Variants in DSG4 observed in about 807,000 individuals in gnomAD.
DSG4 encodes the protein desmoglein-4.
A neutral mutation model predicts 93.1 loss-of-function variants in DSG4; 87 were observed. That is an observed-to-expected ratio of 0.93 (90% CI 0.79 to 1.12). The LOEUF (loss-of-function observed/expected upper bound fraction) is 1.12. Among genes scored for constraint, DSG4 ranks in the 50% most tolerant of loss-of-function variants. The pLI, the probability that DSG4 is intolerant of heterozygous loss-of-function variation, is 0.00. For synonymous variants in DSG4, 432 were observed against 452.9 expected (o/e 0.95, Z 0.59); for missense variants, 1,373 against 1,285.7 (o/e 1.07, Z -1.04).
intron 8 of DSG4, among the ~76,000 whole-genome samples, chr18:31,397,119 T>G (rs150363228): frequency 3.1e-4 from 47 of 152,362 alleles, no homozygotes; most frequent in Non-Finnish European, 6.3e-4. Context: ...GAATTAGCAG[T>G]GTCATATTAA....
chr18:31,404,987 C>T (rs1291852320), intron 11 of DSG4, among the ~76,000 whole-genome samples: 5 of 152,188 alleles, frequency 3.3e-5, no homozygotes, highest in African/African-American at 1.2e-4. Context: ...TGTTTCAATG[C>T]TTGCTGGTGT....
chr18:31,405,569 TA>T lies in DSG4; in HGVS notation c.1637-497del, dbSNP rs1285723672. Among the ~76,000 whole-genome samples, 121 of 143,358 alleles carry T rather than the reference TA, an allele frequency of 8.4e-4. 1 individual carries two copies. The highest frequency in any genetic ancestry group is 1.1e-3 in the Admixed American group (16 of 14,292). The allele number at this position is 143,358 out of a possible 152,430, so 94.0% of individuals were successfully genotyped here. ...TTATTTAAAAATTAGTTATAAATGTTAAAAAAAAAAAGAAAGAAAGAAAAGT... is the reference window on the plus strand; with the variant it reads ...TTATTTAAAAATTAGTTATAAATGTTAAAAAAAAAAGAAAGAAAGAAAAGT... On this transcript the variant is annotated intron_variant, in intron 11 of 15. Transcript: ENST00000308128.
chr18:31,406,796 G>A (rs1309101659), intron 12 of DSG4, among the ~76,000 whole-genome samples: 2 of 149,184 alleles, frequency 1.3e-5, no homozygotes, highest in Non-Finnish European at 3.0e-5. Flanking sequence ...TCTTTTTTTT[G>A]AGATGGAATC....
chr18:31,399,163 G>GT, intron 8 of DSG4, 109 bp from the exon 9 acceptor site: 1 of 1,397,868 alleles, frequency 7.2e-7, no homozygotes, highest in Non-Finnish European at 9.9e-7. Context: ...TCTAAACAGC[G>GT]TATCTCCTGG....
chr18:31,403,338 G>A lies in DSG4; in HGVS notation c.1418-78G>A. The A allele has an allele frequency of 4.2e-6, 5 of 1,198,260 alleles. No homozygotes were observed. In the South Asian group the frequency reaches 5.2e-5, roughly 12 times the overall value. 74.2% of individuals were successfully genotyped at this position (1,198,260 alleles called of 1,614,324 possible). ...CGTATATGTTTCCTACAAGTTCCAT[G>A]GCATCATCAGGGGATATGAGAAAGA... On this transcript the variant is annotated intron_variant, in intron 10 of 15. Coordinates refer to ENST00000308128, the MANE Select transcript of DSG4 (RefSeq NM_177986.5).
At chr18:31,386,651 C>T in intron 2 of DSG4, 37 bp from the exon 3 acceptor site, 4 of 1,611,464 alleles carry the variant, frequency 2.5e-6, no homozygotes, top group Non-Finnish European at 3.4e-6. Context: ...TAAAATTGTT[C>T]TCACACTGTA....
chr18:31,404,494 T>C (rs2072403428), intron 11 of DSG4, among the ~76,000 whole-genome samples: 1 of 152,174 alleles, frequency 6.6e-6, no homozygotes, highest in Admixed American at 6.5e-5. Flanking sequence ...CAATCTCATA[T>C]TCATTTGGGG....
Position 31,400,896 on chromosome 18 carries a change from T to C in DSG4, c.1293T>C (p.His431=). The C allele has an allele frequency of 6.2e-7, 1 of 1,612,484 alleles. No homozygotes were observed. Among genetic ancestry groups the C allele is most frequent in the Non-Finnish European group, 8.5e-7 (1 of 1,178,996 alleles). Residue 431 remains histidine (H), a synonymous_variant, in exon 10 of 16, where the codon CAT becomes CAC. Transcript: ENST00000308128. ...TTAAAAACAGATATATCATAGGGCA[T>C]GATGCAGGCAGCTGGTTAAAAATTG... is the stretch of plus-strand genomic sequence containing the variant. ...PATDVRYIIG[H]DAGSWLKIDS...
chr18:31,409,406 A>C, intron 12 of DSG4, 46 bp from the exon 13 acceptor site: 2 of 1,613,350 alleles, frequency 1.2e-6, no homozygotes, highest in Non-Finnish European at 1.7e-6. Context: ...TGACTTCCTA[A>C]ACCGAGCAAT....
At chr18:31,404,295 C>T (rs538022800) in intron 11 of DSG4, among the ~76,000 whole-genome samples, 3 of 152,198 alleles carry the variant, frequency 2.0e-5, no homozygotes, top group Admixed American at 6.5e-5. Context: ...AAACAGATCA[C>T]GAAGTTGTAT....
intron 8 of DSG4, among the ~76,000 whole-genome samples, chr18:31,395,547 A>G (rs1471806389): frequency 2.0e-5 from 3 of 151,266 alleles, no homozygotes; most frequent in Non-Finnish European, 4.4e-5. Flanking sequence ...CATTTTCAAC[A>G]GCTGGTGGTC....
At chr18:31,380,588 A>C (rs908173309) in intron 1 of DSG4, among the ~76,000 whole-genome samples, 4 of 152,128 alleles carry the variant, frequency 2.6e-5, no homozygotes, top group African/African-American at 9.7e-5. Flanking sequence ...TTATTGATAC[A>C]CCTTCCATTA....
At position 31,402,578 on chromosome 18, in the gene DSG4, G is replaced by A. The variant is rs569797602; in HGVS notation, c.1418-838G>A. On this transcript the variant is annotated intron_variant, in intron 10 of 15. Coordinates refer to ENST00000308128, the MANE Select transcript of DSG4 (RefSeq NM_177986.5). ...AGTTACCTCAATGACTACTACTTAG[G>A]CACACAGAAAACATCTGTAAAAGGA... Among the ~76,000 whole-genome samples, 29 of 152,128 alleles carry A rather than the reference G, an allele frequency of 1.9e-4. No individual in the cohort carries two copies. In the South Asian group the frequency reaches 3.1e-3, roughly 16 times the overall value.
At chr18:31,398,745 C>T (rs767723698) in intron 8 of DSG4, among the ~76,000 whole-genome samples, 29 of 151,930 alleles carry the variant, frequency 1.9e-4, no homozygotes, top group Non-Finnish European at 3.2e-4. Flanking sequence ...CCAGACCCGG[C>T]GACTATAATC....
chr18:31,402,707 C>CAA (rs5823807), intron 10 of DSG4, among the ~76,000 whole-genome samples: 6 of 151,644 alleles, frequency 4.0e-5, no homozygotes, highest in Middle Eastern at 3.2e-3. Flanking sequence ...TAAAAAGAAG[C>CAA]AAAAAAAATT....
At chr18:31,396,583 T>C (rs532806256) in intron 8 of DSG4, among the ~76,000 whole-genome samples, 12 of 152,090 alleles carry the variant, frequency 7.9e-5, no homozygotes, top group Non-Finnish European at 1.2e-4. Flanking sequence ...CTCAAACTCC[T>C]GACCTCAAGT....
At chr18:31,377,075 A>G (rs1165898870) in intron 1 of DSG4, 116 bp downstream of exon 1, 1 of 1,125,314 alleles carries the variant, frequency 8.9e-7, no homozygotes, top group South Asian at 1.3e-5. Flanking sequence ...CTGCAAAGAG[A>G]GTTCTAGAAG....
Position 31,404,815 on chromosome 18 carries a change from T to C in DSG4, c.1636+1181T>C, listed in dbSNP as rs548562843. Among the ~76,000 whole-genome samples, 29 of 152,310 alleles carry C rather than the reference T, an allele frequency of 1.9e-4. 1 individual carries two copies. In the South Asian group the frequency reaches 5.8e-3, roughly 30 times the overall value. On this transcript the variant is annotated intron_variant, in intron 11 of 15. Transcript: ENST00000308128. ...CCTATAAAGCTCAATAGCCCATTCATAAACAATAATAATTGCTAACCACTT... is the reference window on the plus strand; with the variant it reads ...CCTATAAAGCTCAATAGCCCATTCACAAACAATAATAATTGCTAACCACTT...
intron 5 of DSG4, 78 bp downstream of exon 5, chr18:31,389,096 C>T: frequency 2.0e-6 from 3 of 1,533,156 alleles, no homozygotes; most frequent in Non-Finnish European, 2.7e-6. Flanking sequence ...GACTGACATA[C>T]AGGAAATGTA....
Sources: allele counts gnomAD v4.1 joint callset (sites outside exome capture counted in the v4.1 genomes callset), GRCh38; gene constraint gnomAD v4.1.1; transcripts MANE v1.5; gene names NCBI Gene and HGNC (gene_info 2026-07-23, HGNC 2026-07-21).